Variants in RNPS1 observed in about 807,000 individuals in gnomAD.
The protein encoded by RNPS1 is RNA-binding protein with serine-rich domain 1.
For synonymous variants in RNPS1, 147 were observed against 150.0 expected (o/e 0.98, Z 0.15); for missense variants, 300 against 427.6 (o/e 0.70, Z 2.63).
intron 7 of RNPS1, among the ~76,000 whole-genome samples, chr16:2,254,498 CG>C (rs1159335502): frequency 1.3e-5 from 2 of 151,938 alleles, no homozygotes; most frequent in Non-Finnish European, 2.9e-5. Context: ...GGGGTTTCAC[CG>C]TGTTAGCCAG....
At chr16:2,254,488 G>T (rs1336077094) in intron 7 of RNPS1, among the ~76,000 whole-genome samples, 4 of 151,962 alleles carry the variant, frequency 2.6e-5, no homozygotes, top group African/African-American at 9.7e-5. Context: ...TAGTAGTGAC[G>T]GGGTTTCACC....
rs1455790822 is a variant in RNPS1 at position 2,253,692 on chromosome 16, T to C, written c.*272A>G. On this transcript the variant is annotated 3_prime_UTR_variant, in exon 8 of 8. Transcript: ENST00000320225. ...CACCCCCAAGAGCCTCACTTTTCCC[T>C]GGTGGCTCTGCCACTGAACTGACTC... 1 of 567,344 alleles carries C rather than the reference T, an allele frequency of 1.8e-6. No individual in the cohort carries two copies. The highest frequency in any genetic ancestry group is 1.9e-5 in the African/African-American group (1 of 52,386). 35.1% of individuals were successfully genotyped at this position (567,344 alleles called of 1,614,324 possible). A position where few individuals can be genotyped will look rare whatever the true frequency, so the allele number is the denominator to read the frequency against.
In RNPS1 at chr16:2,253,439, C is replaced by G; in HGVS notation, c.*525G>C. 4.9e-6 allele frequency: 1 copy of G among 203,226 alleles called. No individual in the cohort carries two copies. The highest frequency in any genetic ancestry group is 1.7e-4 in the East Asian group (1 of 5,844). 12.6% of individuals were successfully genotyped at this position (203,226 alleles called of 1,614,324 possible). On this transcript the variant is annotated 3_prime_UTR_variant, in exon 8 of 8. Coordinates refer to ENST00000320225, the MANE Select transcript of RNPS1 (RefSeq NM_080594.4). Reference sequence around the variant, plus strand: ...TGCATCGGTGCACGGACAGACAGAACCACGAGCAGCAACTACCATGGGTGA... The same window carrying G: ...TGCATCGGTGCACGGACAGACAGAAGCACGAGCAGCAACTACCATGGGTGA...
rs1319946652 is a variant in RNPS1, at chr16:2,268,093, C to T, written c.-156G>A. 3.9e-6 allele frequency: 6 copies of T among 1,535,424 alleles called. No homozygotes were observed. The South Asian group carries it at 5.9e-5, about 15-fold the overall frequency. ...CGCCACCTCCTCCTGCTTTCCTCAG[C>T]CGCCGAGGCCGGCGCCGCTCTGACG... On this transcript the variant is annotated 5_prime_UTR_variant, in exon 1 of 8. Coordinates refer to ENST00000320225, the MANE Select transcript of RNPS1 (RefSeq NM_080594.4).
intron 2 of RNPS1, 79 bp downstream of exon 2, chr16:2,264,494 T>G (rs1293590121): frequency 6.5e-7 from 1 of 1,548,792 alleles, no homozygotes. Flanking sequence ...TGCAGAACAT[T>G]CTCAACTTTC....
rs1294748521 is a variant in RNPS1 at position 2,254,012 on chromosome 16, C to A, written c.870G>T (p.Pro290=). ...RSPVRRRSRS[P]GRRRHRSRSS... ...AGCGGCTCCTGTGGCGGCGGCGGCC[C>A]GGGGACCGTGATCTCCGGCGCACGG... The change falls in exon 8 of 8, where the codon CCG becomes CCT. Residue 290 remains proline (P), a synonymous_variant. Coordinates refer to ENST00000320225, the MANE Select transcript of RNPS1 (RefSeq NM_080594.4). 7.9e-6 allele frequency: 12 copies of A among 1,528,110 alleles called. No individual in the cohort carries two copies. The highest frequency in any genetic ancestry group is 1.1e-5 in the Non-Finnish European group (12 of 1,135,564). 94.7% of individuals were successfully genotyped at this position (1,528,110 alleles called of 1,614,324 possible).
chr16:2,268,037 G>A lies in RNPS1; in HGVS notation c.-118+18C>T. ...AGCCCCCGAAACACGGATGCAGTCG[G>A]ATTCCGCCCCAACTTACATCTTCCC... On this transcript the variant is annotated intron_variant, in intron 1 of 7. Transcript: ENST00000320225. 6.5e-7 allele frequency: 1 copy of A among 1,534,258 alleles called. No homozygotes were observed. The highest frequency in any genetic ancestry group is 8.7e-7 in the Non-Finnish European group (1 of 1,146,684).
intron 6 of RNPS1, among the ~76,000 whole-genome samples, chr16:2,260,404 G>A (rs1360299719): frequency 1.3e-5 from 2 of 151,926 alleles, no homozygotes; most frequent in East Asian, 3.9e-4. Flanking sequence ...GATCCATGTT[G>A]CCCAGTCTAT....
At chr16:2,255,532 G>C in intron 7 of RNPS1, 53 bp downstream of exon 7, 5 of 1,524,882 alleles carry the variant, frequency 3.3e-6, no homozygotes, top group Non-Finnish European at 4.4e-6. Context: ...AAGTCACTGC[G>C]GTCACATGAG....
chr16:2,258,699 G>A (rs896194720), intron 6 of RNPS1: 2 of 151,980 alleles, frequency 1.3e-5, no homozygotes, highest in Admixed American at 6.6e-5. Flanking sequence ...GCACACCAGC[G>A]TGGGCGACAG....
chr16:2,256,218 G>A (rs1162767396), intron 6 of RNPS1: 7 of 166,792 alleles, frequency 4.2e-5, no homozygotes, highest in South Asian at 1.4e-4. Flanking sequence ...CAATCTCCAC[G>A]TGTCGAGGCA....
rs186118991 is a variant in RNPS1 at position 2,263,011 on chromosome 16, T to A, written c.419+85A>T. On this transcript the variant is annotated intron_variant, in intron 4 of 7. Transcript: ENST00000320225. ...AGAAATCCTATTAACACAGAAAGAC[T>A]CCTTTTGGGTCCCTTTTATAACCTC... 2.7e-4 allele frequency: 395 copies of A among 1,440,262 alleles called. 4 individuals carry two copies. In the East Asian group the frequency reaches 7.2e-3, roughly 26 times the overall value. The allele number at this position is 1,440,262 out of a possible 1,614,324, so 89.2% of individuals were successfully genotyped here.
chr16:2,264,385 A>C (rs2093616464), intron 2 of RNPS1, 54 bp from the exon 3 acceptor site: 1 of 1,611,388 alleles, frequency 6.2e-7, no homozygotes, highest in Non-Finnish European at 8.5e-7. Flanking sequence ...AAACCCAAAC[A>C]GCACAACCCA....
At chr16:2,264,426 G>C in intron 2 of RNPS1, 95 bp from the exon 3 acceptor site, 2 of 1,580,172 alleles carry the variant, frequency 1.3e-6, no homozygotes, top group African/African-American at 1.3e-5. Flanking sequence ...CAGGGCCACA[G>C]AGACCCGAGG....
rs370582179 is a variant in RNPS1, at chr16:2,254,081, A to T, written c.819-18T>A. The T allele has an allele frequency of 2.1e-6, 3 of 1,460,124 alleles. No homozygotes were observed. Among genetic ancestry groups the T allele is most frequent in the Non-Finnish European group, 2.7e-6 (3 of 1,101,734 alleles). The allele number at this position is 1,460,124 out of a possible 1,614,324, so 90.4% of individuals were successfully genotyped here. ...AGCGGGACCTGCGGGAAGAGGAGAA[A>T]CCACATCAGAGTAGCTCAGGCTGTA... On this transcript the variant is annotated intron_variant, in intron 7 of 7. Transcript: ENST00000320225.
chr16:2,265,115 G>C (rs908197873), intron 1 of RNPS1: 5 of 156,590 alleles, frequency 3.2e-5, no homozygotes, highest in African/African-American at 1.2e-4. Flanking sequence ...ATGCAGAACA[G>C]AGAAAAACCT....
chr16:2,267,799 G>C, intron 1 of RNPS1: 1 of 1,433,968 alleles, frequency 7.0e-7, no homozygotes, highest in Non-Finnish European at 9.1e-7. Context: ...CGCGGGCCTG[G>C]CTGGGCCACC....
Position 2,263,258 on chromosome 16 carries a change from C to A in RNPS1, c.257G>T (p.Gly86Val). The stretch of plus-strand genomic sequence containing the variant: ...GCTTGAGCCAGTGCTGGTGCTGGAG[C>A]CTGAGCTGGAAGTCGAGCTGGACCG... ...RSRSSSTSSS[G>V]SSTSTGSSSG... Residue 86 changes from glycine (G) to valine (V), a missense_variant, in exon 4 of 8, where the codon GGC becomes GTC. By Grantham distance (109) the Gly-to-Val change is moderately radical. Coordinates refer to ENST00000320225, the MANE Select transcript of RNPS1 (RefSeq NM_080594.4). The A allele has an allele frequency of 6.2e-7, 1 of 1,613,742 alleles. No individual in the cohort carries two copies. Among genetic ancestry groups the A allele is most frequent in the Middle Eastern group, 1.6e-4 (1 of 6,062 alleles).
At chr16:2,262,866 G>GA in intron 4 of RNPS1, 24 bp from the exon 5 acceptor site, 3 of 1,596,114 alleles carry the variant, frequency 1.9e-6, no homozygotes, top group Non-Finnish European at 2.6e-6. Flanking sequence ...CAAAACACCA[G>GA]AAACAATTTC....
Sources: allele counts gnomAD v4.1 joint callset (sites outside exome capture counted in the v4.1 genomes callset), GRCh38; gene constraint gnomAD v4.1.1; transcripts MANE v1.5; gene names NCBI Gene and HGNC (gene_info 2026-07-23, HGNC 2026-07-21).